Variants in UPF2 observed in about 807,000 individuals in gnomAD.
UPF2 encodes regulator of nonsense transcripts 2.
Under a neutral mutation model 141.4 loss-of-function variants are expected in UPF2, and 17 were observed. The ratio of observed to expected loss-of-function variants is 0.12; its 90% CI spans 0.08 to 0.18. The LOEUF is 0.18. Among genes scored for constraint, UPF2 ranks in the 10% least tolerant of loss-of-function variants. The pLI, the probability that UPF2 is intolerant of heterozygous loss-of-function variation, is 1.00. For missense variants in UPF2, 1,152 were observed against 1,515.9 expected, an observed-to-expected ratio of 0.76 and a Z score of 3.99; for synonymous variants, 540 against 498.0, an observed-to-expected ratio of 1.08 and a Z score of -1.12.
rs867206479 is a variant in UPF2, at chr10:11,938,861, T to G, written c.3379-2149A>C. ...AAGCAAGTTTTTTTTTTGTTTTTTT[T>G]TTTTTTTTTTTTTTTTTTTTTGGAG... is the stretch of plus-strand genomic sequence containing the variant. On this transcript the variant is annotated intron_variant, in intron 18 of 21. Transcript: ENST00000357604. 1.2e-3 allele frequency among the ~76,000 whole-genome samples: 87 copies of G among 72,982 alleles called. 1 individual carries two copies. Among genetic ancestry groups the G allele is most frequent in the African/African-American group, 4.6e-3 (82 of 18,018 alleles). The allele number at this position is 72,982 out of a possible 152,430, so 47.9% of individuals were successfully genotyped here. A position where few individuals can be genotyped will look rare whatever the true frequency, so the allele number is the denominator to read the frequency against.
intron 21 of UPF2, among the ~76,000 whole-genome samples, chr10:11,928,433 G>A (rs1832739950): frequency 6.6e-6 from 1 of 152,162 alleles, no homozygotes; most frequent in South Asian, 2.1e-4. Flanking sequence ...AAAGAGGCCG[G>A]GCGCAGTGGC....
intron 9 of UPF2, 88 bp from the exon 10 acceptor site, chr10:11,967,542 T>G: frequency 2.1e-5 from 10 of 477,158 alleles, no homozygotes; most frequent in Admixed American, 4.8e-5. Context: ...TCGAATTCAC[T>G]CCAGTTTTTT....
At chr10:12,029,595 GT>G in intron 2 of UPF2, 71 bp from the exon 3 acceptor site, 7 of 1,451,308 alleles carry the variant, frequency 4.8e-6, no homozygotes, top group Non-Finnish European at 6.4e-6. Context: ...TCCCCTAAGA[GT>G]AAAAAGCCAA....
intron 8 of UPF2, among the ~76,000 whole-genome samples, chr10:11,994,212 T>C (rs1408762582): frequency 6.6e-6 from 1 of 152,106 alleles, no homozygotes; most frequent in Non-Finnish European, 1.5e-5. Context: ...TTAGCTAACA[T>C]AACCACGAGG....
chr10:11,977,674 A>G (rs1319417794), intron 9 of UPF2, among the ~76,000 whole-genome samples: 4 of 152,204 alleles, frequency 2.6e-5, no homozygotes, highest in Admixed American at 2.6e-4. Flanking sequence ...ATGGGATTAA[A>G]CATATCAACA....
chr10:12,008,876 T>C (rs1340524006), intron 4 of UPF2, among the ~76,000 whole-genome samples: 1 of 152,072 alleles, frequency 6.6e-6, no homozygotes, highest in Non-Finnish European at 1.5e-5. Flanking sequence ...CCAGTGTGTG[T>C]TGTTCCCCTC....
rs747611984 is a variant in UPF2, at chr10:11,920,399, T to C, written c.*899A>G. The C allele has an allele frequency of 1.3e-5, 2 of 152,160 alleles. No homozygotes were observed. The highest frequency in any genetic ancestry group is 4.8e-5 in the African/African-American group (2 of 41,420). 9.4% of individuals were successfully genotyped at this position (152,160 alleles called of 1,614,324 possible). On this transcript the variant is annotated 3_prime_UTR_variant, in exon 22 of 22. Coordinates refer to ENST00000357604, the MANE Select transcript of UPF2 (RefSeq NM_015542.4). Reference sequence around the variant, plus strand: ...AAAATAAAAGCTCTACTTGTTTCCATACTTTGTTTAGAGACAGAGGCTGTA... The same window carrying C: ...AAAATAAAAGCTCTACTTGTTTCCACACTTTGTTTAGAGACAGAGGCTGTA...
intron 9 of UPF2, 66 bp from the exon 10 acceptor site, chr10:11,967,520 A>C: frequency 1.5e-6 from 1 of 664,510 alleles, no homozygotes. Flanking sequence ...AAAAACTATT[A>C]TTTTAATGCA....
At position 11,997,707 on chromosome 10, in the gene UPF2, C is replaced by A; in HGVS notation, c.1809G>T (p.Lys603Asn). 1 of 1,613,892 alleles carries A rather than the reference C, an allele frequency of 6.2e-7. No individual in the cohort carries two copies. The highest frequency in any genetic ancestry group is 8.5e-7 in the Non-Finnish European group (1 of 1,179,878). The part of the protein sequence containing the change: ...MNMNTKANRK[K>N]LVRALFIVPR... ...GAACTATGAAGAGTGCCCGTACCAA[C>A]TTCTTCCTGTTTGCTTTTGTGTTCA... Residue 603 changes from lysine (K) to asparagine (N), a missense_variant, in exon 8 of 22, where the codon AAG becomes AAT. By Grantham distance (94) the Lys-to-Asn change is moderately conservative. Around this residue, in one of 4 missense-constraint regions of UPF2, gnomAD observed 739 missense variants for 1,032.2 expected, o/e 0.72. Transcript: ENST00000357604.
At chr10:12,012,633 A>G (rs1834149182) in intron 4 of UPF2, among the ~76,000 whole-genome samples, 1 of 151,806 alleles carries the variant, frequency 6.6e-6, no homozygotes, top group African/African-American at 2.4e-5. Context: ...CCCCGTCTCT[A>G]CTAAAAACAC....
rs75533596 is a variant in UPF2, at chr10:11,959,886, G to A, written c.2185-530C>T. 6.1e-3 allele frequency among the ~76,000 whole-genome samples: 932 copies of A among 152,274 alleles called. 8 individuals carry two copies. Among genetic ancestry groups the A allele is most frequent in the African/African-American group, 0.021 (873 of 41,542 alleles). On this transcript the variant is annotated intron_variant, in intron 11 of 21. Transcript: ENST00000357604. The surrounding 1 kb of genome is among the most constrained non-coding windows in gnomAD (Gnocchi z 5.9). The stretch of plus-strand genomic sequence containing the variant: ...TATCATTTTTAGAACATACTAGCCC[G>A]TGCCTACTTAGCCTTACGTTTCATC...
At chr10:11,990,989 C>CAAA (rs34436794) in intron 8 of UPF2, among the ~76,000 whole-genome samples, 170 of 93,222 alleles carry the variant, frequency 1.8e-3, no homozygotes, top group African/African-American at 5.8e-3. Flanking sequence ...GACTCCATCT[C>CAAA]AAAAAAAAAA....
intron 8 of UPF2, among the ~76,000 whole-genome samples, chr10:11,987,158 G>A (rs1052739018): frequency 6.6e-6 from 1 of 152,170 alleles, no homozygotes; most frequent in African/African-American, 2.4e-5. Flanking sequence ...CGGAGTGATG[G>A]ACACATATGT....
Position 11,936,830 on chromosome 10 carries a change from A to AT in UPF2, c.3379-119dup. 1 of 989,358 alleles carries AT rather than the reference A, an allele frequency of 1.0e-6. No individual in the cohort carries two copies. Among genetic ancestry groups the AT allele is most frequent in the Non-Finnish European group, 1.4e-6 (1 of 711,104 alleles). The allele number at this position is 989,358 out of a possible 1,614,324, so 61.3% of individuals were successfully genotyped here. On this transcript the variant is annotated intron_variant, in intron 18 of 21. Transcript: ENST00000357604. The surrounding 1 kb of genome is among the most constrained non-coding windows in gnomAD (Gnocchi z 6.6). The stretch of plus-strand genomic sequence containing the variant: ...TTAAAACACAACAATCATAAGAGCC[A>AT]TAACAGTCAACAATTACAACCACCA...
chr10:11,960,786 A>C (rs1196474850), intron 11 of UPF2, among the ~76,000 whole-genome samples: 1 of 151,726 alleles, frequency 6.6e-6, no homozygotes, highest in Non-Finnish European at 1.5e-5. Flanking sequence ...AAAAAAAAAA[A>C]ATAAGAAAGA....
intron 15 of UPF2, among the ~76,000 whole-genome samples, chr10:11,951,665 C>G (rs1833076638): frequency 1.3e-5 from 2 of 152,164 alleles, no homozygotes; most frequent in Admixed American, 1.3e-4. Context: ...ACAGGTACTC[C>G]CTTCTACAGT....
In UPF2 at chr10:11,959,450, A is replaced by T; in HGVS notation, c.2185-94T>A. 1 of 1,352,800 alleles carries T rather than the reference A, an allele frequency of 7.4e-7. No homozygotes were observed. The highest frequency in any genetic ancestry group is 9.8e-7 in the Non-Finnish European group (1 of 1,017,864). The allele number at this position is 1,352,800 out of a possible 1,614,324, so 83.8% of individuals were successfully genotyped here. ...CTATTCTCAGTGATTTGCTATTTCA[A>T]AGTAATGGGTTAGAAAGGCAAAGAA... is the stretch of plus-strand genomic sequence containing the variant. On this transcript the variant is annotated intron_variant, in intron 11 of 21. Transcript: ENST00000357604. The surrounding 1 kb of genome is among the most constrained non-coding windows in gnomAD (Gnocchi z 5.9).
chr10:12,021,322 G>C (rs577743444), intron 3 of UPF2, among the ~76,000 whole-genome samples: 52 of 146,368 alleles, frequency 3.6e-4, no homozygotes, highest in Middle Eastern at 3.8e-3. Flanking sequence ...TTGAGCCCAA[G>C]ATATCAAGAC....
At chr10:12,017,864 G>T (rs1291897090) in intron 3 of UPF2, among the ~76,000 whole-genome samples, 1 of 152,052 alleles carries the variant, frequency 6.6e-6, no homozygotes, top group Admixed American at 6.6e-5. Flanking sequence ...TCTACGTTAG[G>T]TATTTCTCCT....
Sources: allele counts gnomAD v4.1 joint callset (sites outside exome capture counted in the v4.1 genomes callset), GRCh38; gene constraint gnomAD v4.1.1; regional missense constraint gnomAD v4.1.1; non-coding constraint Gnocchi (gnomAD v3.1); transcripts MANE v1.5; gene names NCBI Gene and HGNC (gene_info 2026-07-23, HGNC 2026-07-21).